TNNI3K: variants seen among roughly 807,000 people sequenced by gnomAD.
TNNI3K encodes TNNI3 interacting kinase.
A neutral mutation model predicts 114.5 loss-of-function variants in TNNI3K; 140 were observed. That is an observed-to-expected ratio of 1.22 (90% CI 1.07 to 1.41). TNNI3K has a LOEUF of 1.41. Among genes scored for constraint, TNNI3K ranks in the 40% most tolerant of loss-of-function variants. The pLI, the probability that TNNI3K is intolerant of heterozygous loss-of-function variation, is 0.00. For synonymous variants in TNNI3K, 347 were observed against 347.5 expected (o/e 1.00, Z 0.02); for missense variants, 1,125 against 1,007.6 (o/e 1.12, Z -1.58).
intron 17 of TNNI3K, among the ~76,000 whole-genome samples, chr1:74,423,150 C>T (rs1029016775): frequency 6.6e-6 from 1 of 151,976 alleles, no homozygotes; most frequent in African/African-American, 2.4e-5. Flanking sequence ...CCAAAGGTCG[C>T]TTCCACCACC....
intron 4 of TNNI3K, among the ~76,000 whole-genome samples, chr1:74,255,151 G>C (rs182619844): frequency 6.6e-6 from 1 of 151,846 alleles, no homozygotes; most frequent in Non-Finnish European, 1.5e-5. Context: ...TCAGGAGATC[G>C]AGACCATCCC....
chr1:74,393,749 G>T (rs557110917), intron 17 of TNNI3K, among the ~76,000 whole-genome samples: 169 of 152,238 alleles, frequency 1.1e-3, no homozygotes, highest in Non-Finnish European at 2.1e-3. Context: ...CCTGAGGGGA[G>T]GCAAGGCCAG....
chr1:74,543,066 T>TC (rs1646746043), intron 24 of TNNI3K, among the ~76,000 whole-genome samples: 1 of 3,380 alleles, frequency 3.0e-4, no homozygotes, highest in Non-Finnish European at 5.1e-4. Flanking sequence ...CTTTTTCCCT[T>TC]TTTTTTTTTT....
chr1:74,450,311 C>A (rs865876481), intron 20 of TNNI3K, among the ~76,000 whole-genome samples: 1 of 151,488 alleles, frequency 6.6e-6, no homozygotes, highest in Non-Finnish European at 1.5e-5. Flanking sequence ...CAGGAAAGAT[C>A]CAAAATTGAC....
At chr1:74,338,666 A>G (rs761682911) in intron 7 of TNNI3K, among the ~76,000 whole-genome samples, 1 of 152,158 alleles carries the variant, frequency 6.6e-6, no homozygotes, top group Non-Finnish European at 1.5e-5. Flanking sequence ...AAGCTAATCA[A>G]TGTTTTTTAT....
At chr1:74,279,687 A>T (rs1009160618) in intron 5 of TNNI3K, among the ~76,000 whole-genome samples, 2 of 152,204 alleles carry the variant, frequency 1.3e-5, no homozygotes, top group African/African-American at 4.8e-5. Flanking sequence ...GTGCTTTAGT[A>T]ACTATTAAAG....
At chr1:74,338,461 C>T (rs1358077672) in intron 7 of TNNI3K, among the ~76,000 whole-genome samples, 3 of 151,844 alleles carry the variant, frequency 2.0e-5, no homozygotes, top group Non-Finnish European at 4.4e-5. Context: ...CTCAGAGTTG[C>T]GTCTTGCCAT....
At chr1:74,497,933 G>GCT (rs1259161853) in intron 23 of TNNI3K, among the ~76,000 whole-genome samples, 3 of 152,002 alleles carry the variant, frequency 2.0e-5, no homozygotes, top group Admixed American at 6.6e-5. Context: ...TGATACTGTC[G>GCT]CTCTCTCTCT....
At chr1:74,511,930 A>C (rs1670248269) in intron 23 of TNNI3K, among the ~76,000 whole-genome samples, 1 of 152,236 alleles carries the variant, frequency 6.6e-6, no homozygotes, top group South Asian at 2.1e-4. Context: ...CAGAAGCTAT[A>C]GATGAGGATC....
rs1646431893 is a variant in TNNI3K, at chr1:74,521,487, AT to A, written c.2352-18746del. ...CCTTATCTCTCTCACACACACACAC[AT>A]GTAAACGCATTATGTATGTGTGTAT... is the stretch of plus-strand genomic sequence containing the variant. On this transcript the variant is annotated intron_variant, in intron 23 of 24. Transcript: ENST00000326637. Among the ~76,000 whole-genome samples the A allele has an allele frequency of 1.0e-4, 6 of 57,598 alleles. No homozygotes were observed. The South Asian group carries it at 1.7e-3, about 16-fold the overall frequency. The allele number at this position is 57,598 out of a possible 152,430, so 37.8% of individuals were successfully genotyped here.
chr1:74,377,337 A>G (rs932275444), intron 17 of TNNI3K, among the ~76,000 whole-genome samples: 4 of 152,106 alleles, frequency 2.6e-5, no homozygotes, highest in African/African-American at 9.6e-5. Flanking sequence ...CCACACACCC[A>G]TGGTACCTAT....
At chr1:74,507,233 C>CCT (rs397717161) in intron 23 of TNNI3K, among the ~76,000 whole-genome samples, 1 of 140,912 alleles carries the variant, frequency 7.1e-6, no homozygotes, top group South Asian at 2.6e-4. Context: ...ACCCCCCCCC[C>CCT]ATCTTTTTAA....
intron 5 of TNNI3K, among the ~76,000 whole-genome samples, chr1:74,293,230 A>G (rs1285997217): frequency 6.6e-6 from 1 of 151,486 alleles, no homozygotes. Context: ...TTGTATTTCC[A>G]TTTGCTCCAT....
chr1:74,388,317 C>T (rs1201309311), intron 17 of TNNI3K, among the ~76,000 whole-genome samples: 1 of 152,134 alleles, frequency 6.6e-6, no homozygotes, highest in Non-Finnish European at 1.5e-5. Context: ...TTCCCACTCT[C>T]CTACCCAACA....
intron 23 of TNNI3K, among the ~76,000 whole-genome samples, chr1:74,504,046 C>T (rs1215937096): frequency 6.6e-6 from 1 of 152,220 alleles, no homozygotes; most frequent in Non-Finnish European, 1.5e-5. Flanking sequence ...CATAACACCT[C>T]TTCACCGCAT....
intron 23 of TNNI3K, among the ~76,000 whole-genome samples, chr1:74,534,053 A>G (rs1441769751): frequency 6.6e-6 from 1 of 152,072 alleles, no homozygotes; most frequent in Non-Finnish European, 1.5e-5. Context: ...CTTCCCAGAC[A>G]CCCCACAGGG....
intron 17 of TNNI3K, among the ~76,000 whole-genome samples, chr1:74,411,366 T>C (rs940104957): frequency 6.6e-6 from 1 of 152,180 alleles, no homozygotes; most frequent in African/African-American, 2.4e-5. Flanking sequence ...ATAATAACCA[T>C]GGGTAAAACT....
intron 21 of TNNI3K, among the ~76,000 whole-genome samples, chr1:74,485,925 G>A (rs1340792836): frequency 6.6e-6 from 1 of 152,112 alleles, no homozygotes; most frequent in East Asian, 1.9e-4. Context: ...CCTCAGATGA[G>A]AATCACAGTG....
intron 21 of TNNI3K, among the ~76,000 whole-genome samples, chr1:74,467,489 G>GT (rs1667729125): frequency 6.6e-6 from 1 of 151,734 alleles, no homozygotes; most frequent in South Asian, 2.1e-4. Context: ...TTGGAAAACA[G>GT]TAAGAGGTAG....
Sources: allele counts gnomAD v4.1 joint callset (sites outside exome capture counted in the v4.1 genomes callset), GRCh38; gene constraint gnomAD v4.1.1; transcripts MANE v1.5; gene names NCBI Gene and HGNC (gene_info 2026-07-23, HGNC 2026-07-21).